CREB5: variants seen among roughly 807,000 people sequenced by gnomAD.
CREB5 encodes cyclic AMP-responsive element-binding protein 5.
Under a neutral mutation model 57.1 loss-of-function variants are expected in CREB5, and 19 were observed. That is an observed-to-expected ratio of 0.33 (90% confidence interval 0.23 to 0.49). The LOEUF (loss-of-function observed/expected upper bound fraction) is 0.49, where lower values mean the gene tolerates loss of function less well. CREB5 is among the 20% of genes least tolerant of loss of function. The pLI, the probability that CREB5 is intolerant of heterozygous loss-of-function variation, is 0.99. For missense variants in CREB5, 579 were observed against 671.6 expected (o/e 0.86, Z 1.52); for synonymous variants, 238 against 238.3 (o/e 1.00, Z 0.01).
At chr7:28,775,222 C>A (rs2299115) in intron 7 of CREB5, among the ~76,000 whole-genome samples, 44,079 of 151,842 alleles carry the variant, frequency 0.29, 6,961 homozygotes, top group South Asian at 0.41. Context: ...TGCCCACAAT[C>A]CCTCCTGCTT....
In CREB5 at chr7:28,385,569, GGGA is replaced by G. The variant is rs1438835501; in HGVS notation, c.-25+86131_-25+86133del. On this transcript the variant is annotated intron_variant, in intron 1 of 9. Transcript: ENST00000396299. ...TGCGTGCCTGTAGTCCCAGCTACTT[GGGA>G]GGCTGAGATGGGAGGATCACCTGAG... is the stretch of plus-strand genomic sequence containing the variant. Among the ~76,000 whole-genome samples the G allele has an allele frequency of 2.0e-5, 3 of 151,942 alleles. No individual in the cohort carries two copies. In the East Asian group the frequency reaches 5.8e-4, roughly 29 times the overall value.
At chr7:28,450,302 C>T (rs1789732738) in intron 1 of CREB5, among the ~76,000 whole-genome samples, 1 of 152,118 alleles carries the variant, frequency 6.6e-6, no homozygotes, top group African/African-American at 2.4e-5. Flanking sequence ...GAATCATGGA[C>T]ATCTGAAGGC....
intron 1 of CREB5, among the ~76,000 whole-genome samples, chr7:28,397,582 G>T (rs1289449086): frequency 6.6e-6 from 1 of 152,164 alleles, no homozygotes; most frequent in Non-Finnish European, 1.5e-5. Context: ...AGTAATTAAA[G>T]TCTCACATAA....
intron 4 of CREB5, among the ~76,000 whole-genome samples, chr7:28,520,843 TTATG>T (rs1202611021): frequency 6.6e-6 from 1 of 152,214 alleles, no homozygotes; most frequent in African/African-American, 2.4e-5. Context: ...TTTGCTTTAT[TTATG>T]AAGATAGACA....
chr7:28,576,771 G>A (rs1795926007), intron 5 of CREB5, among the ~76,000 whole-genome samples: 1 of 152,182 alleles, frequency 6.6e-6, no homozygotes, highest in Admixed American at 6.5e-5. Context: ...TTGCCTGTGA[G>A]CTTTTCTTGG....
chr7:28,325,104 C>G (rs969680385), intron 1 of CREB5, among the ~76,000 whole-genome samples: 27 of 152,218 alleles, frequency 1.8e-4, no homozygotes, highest in African/African-American at 5.8e-4. Context: ...AATTTCTTTG[C>G]TTCTACACTT....
chr7:28,471,750 A>G (rs1790819028), intron 1 of CREB5, among the ~76,000 whole-genome samples: 1 of 152,144 alleles, frequency 6.6e-6, no homozygotes, highest in Non-Finnish European at 1.5e-5. Flanking sequence ...CTATCATCAC[A>G]CACTTCCAGA....
At chr7:28,513,254 C>T (rs1792793776) in intron 4 of CREB5, among the ~76,000 whole-genome samples, 1 of 152,198 alleles carries the variant, frequency 6.6e-6, no homozygotes, top group Non-Finnish European at 1.5e-5. Context: ...GTTGAGCAAA[C>T]TTGCAACAGC....
intron 5 of CREB5, among the ~76,000 whole-genome samples, chr7:28,706,782 C>A (rs1802130083): frequency 6.6e-6 from 1 of 152,114 alleles, no homozygotes; most frequent in African/African-American, 2.4e-5. Flanking sequence ...GAAACTTCAC[C>A]CTTCCCCCAT....
At chr7:28,432,612 T>A (rs1788770426) in intron 1 of CREB5, among the ~76,000 whole-genome samples, 1 of 152,198 alleles carries the variant, frequency 6.6e-6, no homozygotes, top group Non-Finnish European at 1.5e-5. Flanking sequence ...AACGCTGGAA[T>A]TCAACCAATT....
chr7:28,506,797 G>T (rs922853144), intron 3 of CREB5, among the ~76,000 whole-genome samples: 1 of 152,194 alleles, frequency 6.6e-6, no homozygotes, highest in African/African-American at 2.4e-5. Context: ...ATGGAATCTT[G>T]TGAGATCTAG....
Position 28,607,735 on chromosome 7 carries a change from C to CTGTG in CREB5, c.464+37254_464+37257dup, listed in dbSNP as rs573980917. 3.6e-3 allele frequency among the ~76,000 whole-genome samples: 467 copies of CTGTG among 129,268 alleles called. 4 individuals are homozygous for CTGTG. Among genetic ancestry groups the CTGTG allele is most frequent in the South Asian group, 0.015 (49 of 3,336 alleles). 84.8% of individuals were successfully genotyped at this position (129,268 alleles called of 152,430 possible). A position where few individuals can be genotyped will look rare whatever the true frequency, so the allele number is the denominator to read the frequency against. On this transcript the variant is annotated intron_variant, in intron 5 of 10. Coordinates refer to ENST00000357727, the MANE Select transcript of CREB5 (RefSeq NM_182898.4). The stretch of plus-strand genomic sequence containing the variant: ...CAAAATAAGACCAGTGCCCACAGGG[C>CTGTG]TGTGTGTGTGTGTGTGTGTGTGTGT...
chr7:28,560,906 G>C (rs1294221617), intron 4 of CREB5, among the ~76,000 whole-genome samples: 5 of 54,592 alleles, frequency 9.2e-5, no homozygotes, highest in African/African-American at 4.7e-4. Flanking sequence ...GCGTGCGCGC[G>C]TGCGTGTGCG....
rs543895929 is a variant in CREB5, at chr7:28,608,932, A to T, written c.464+38395A>T. Reference sequence around the variant, plus strand: ...AGATTTTGCAATTGTTGGCATAAATATTAACCAGTAGCGATTAGTCATCAG... The same window carrying T: ...AGATTTTGCAATTGTTGGCATAAATTTTAACCAGTAGCGATTAGTCATCAG... On this transcript the variant is annotated intron_variant, in intron 5 of 10. Coordinates refer to ENST00000357727, the MANE Select transcript of CREB5 (RefSeq NM_182898.4). 20 of 152,362 alleles carry T rather than the reference A, an allele frequency of 1.3e-4. No homozygotes were observed. The East Asian group carries it at 3.7e-3, about 28-fold the overall frequency. The allele number at this position is 152,362 out of a possible 1,614,324, so 9.4% of individuals were successfully genotyped here.
At chr7:28,459,730 G>A (rs1283528529) in intron 1 of CREB5, among the ~76,000 whole-genome samples, 1 of 152,212 alleles carries the variant, frequency 6.6e-6, no homozygotes, top group African/African-American at 2.4e-5. Context: ...TCCCACTTGG[G>A]TTTATGCTGG....
At position 28,429,013 on chromosome 7, in the gene CREB5, T is replaced by C. The variant is rs1243689828; in HGVS notation, c.3+16096T>C. Among the ~76,000 whole-genome samples, 5 of 152,272 alleles carry C rather than the reference T, an allele frequency of 3.3e-5. No homozygotes were observed. In the East Asian group the frequency reaches 9.7e-4, roughly 29 times the overall value. On this transcript the variant is annotated intron_variant, in intron 1 of 10. Transcript: ENST00000357727. ...TCAATTTTATATTCCTTGTGTGATG[T>C]TTAGTTTAATTTAAAAAAAAGTTTT...
chr7:28,751,620 C>T (rs1009195), intron 7 of CREB5, among the ~76,000 whole-genome samples: 65,435 of 151,980 alleles, frequency 0.43, 14,486 homozygotes, highest in East Asian at 0.69. Context: ...TATCTTGAAA[C>T]AATTTTAAAC....
chr7:28,409,334 G>A (rs1181483165), upstream of CREB5: 1 of 152,742 alleles, frequency 6.5e-6, no homozygotes, highest in Non-Finnish European at 1.5e-5. The surrounding 1 kb of genome is among the most constrained non-coding windows in gnomAD (Gnocchi z 4.4). Context: ...GTGATGTAAT[G>A]CACTCTAAAT....
chr7:28,618,200 A>C (rs1797666138), intron 5 of CREB5, among the ~76,000 whole-genome samples: 1 of 152,142 alleles, frequency 6.6e-6, no homozygotes, highest in African/African-American at 2.4e-5. Context: ...GGTTGTTGGA[A>C]ACAACTGTCC....
Sources: allele counts gnomAD v4.1 joint callset (sites outside exome capture counted in the v4.1 genomes callset), GRCh38; gene constraint gnomAD v4.1.1; non-coding constraint Gnocchi (gnomAD v3.1); transcripts MANE v1.5; gene names NCBI Gene and HGNC (gene_info 2026-07-23, HGNC 2026-07-21).